The following POTEE variants were observed in gnomAD, a reference collection of about 807,000 sequenced individuals.
POTEE encodes ANKRD26-like family C member 1A.
POTEE carries 21 observed loss-of-function variants against 74.2 expected under a neutral mutation model. The ratio of observed to expected loss-of-function variants is 0.28; its 90% CI spans 0.20 to 0.41. The LOEUF is 0.41. POTEE is among the 10% of genes least tolerant of loss of function. POTEE has a pLI of 1.00. For synonymous variants in POTEE, 211 were observed against 432.8 expected (o/e 0.49, Z 6.36); for missense variants, 525 against 1,158.6 (o/e 0.45, Z 7.94).
chr2:131,211,520 C>CTGTGTGTGTGTGTG (rs369206786), intron 2 of POTEE, among the ~76,000 whole-genome samples: 2,043 of 50,218 alleles, frequency 0.041, 159 homozygotes, highest in African/African-American at 0.11. Context: ...TAGGGGGTGA[C>CTGTGTGTGTGTGTG]TGTGTGTGTG....
intron 17 of POTEE, among the ~76,000 whole-genome samples, chr2:131,262,742 C>T (rs1337792418): frequency 6.6e-6 from 1 of 152,236 alleles, no homozygotes; most frequent in Non-Finnish European, 1.5e-5. Context: ...TGCCTAGATA[C>T]AGATGTGTAC....
intron 9 of POTEE, among the ~76,000 whole-genome samples, chr2:131,231,631 G>C (rs1291889694): frequency 6.6e-6 from 1 of 151,922 alleles, no homozygotes. Flanking sequence ...TTACTTTGTT[G>C]GAACAAGATG....
At chr2:131,259,298 A>G (rs1237645658) in intron 16 of POTEE, among the ~76,000 whole-genome samples, 363 of 137,004 alleles carry the variant, frequency 2.6e-3, no homozygotes, top group African/African-American at 0.01. Flanking sequence ...ATATCTTTGC[A>G]TATTGTGAAT....
At chr2:131,257,060 CCT>C (rs1701597934) in intron 16 of POTEE, among the ~76,000 whole-genome samples, 1 of 130,678 alleles carries the variant, frequency 7.7e-6, no homozygotes, top group East Asian at 2.5e-4. Flanking sequence ...AAAGAAAAAT[CCT>C]CTTTCTCAGC....
chr2:131,235,529 C>G (rs1335546624), intron 9 of POTEE, among the ~76,000 whole-genome samples: 1 of 151,920 alleles, frequency 6.6e-6, no homozygotes, highest in East Asian at 1.9e-4. Flanking sequence ...AGTGTGGTGG[C>G]TCACACCTCT....
intron 17 of POTEE, among the ~76,000 whole-genome samples, chr2:131,262,139 T>C (rs555410689): frequency 5.7e-5 from 7 of 123,478 alleles, no homozygotes; most frequent in African/African-American, 1.5e-4. Context: ...GTTTTGCTAC[T>C]GAAAACAGAT....
intron 6 of POTEE, among the ~76,000 whole-genome samples, chr2:131,225,251 T>C (rs1218274510): frequency 6.6e-6 from 1 of 152,046 alleles, no homozygotes; most frequent in East Asian, 1.9e-4. Context: ...TATTTGAAAA[T>C]GTTTCCTTGA....
chr2:131,222,476 A>G (rs1230954069), intron 4 of POTEE, among the ~76,000 whole-genome samples: 30 of 151,670 alleles, frequency 2.0e-4, no homozygotes, highest in Non-Finnish European at 3.4e-4. Flanking sequence ...TTAACACCTG[A>G]GTAATGAAAT....
intron 8 of POTEE, 49 bp from the exon 9 acceptor site, chr2:131,230,787 T>C: frequency 6.4e-7 from 1 of 1,568,396 alleles, no homozygotes; most frequent in Non-Finnish European, 8.6e-7. Flanking sequence ...AAGTTTTTTT[T>C]ATATCAGTAT....
rs1700601208 is a variant in POTEE at position 131,221,039 on chromosome 2, T to G, written c.521+2116T>G. On this transcript the variant is annotated intron_variant, in intron 4 of 17. Transcript: ENST00000683005. ...AGTTTGTGAGGATGAAGAACAGTGG[T>G]ACTTACGTAGTCATTTAAAGTTTAA... Among the ~76,000 whole-genome samples, 3 of 151,986 alleles carry G rather than the reference T, an allele frequency of 2.0e-5. No homozygotes were observed. In the South Asian group the frequency reaches 6.2e-4, roughly 32 times the overall value.
chr2:131,212,158 C>G (rs879839999), intron 2 of POTEE, among the ~76,000 whole-genome samples: 1 of 151,716 alleles, frequency 6.6e-6, no homozygotes, highest in Non-Finnish European at 1.5e-5. Flanking sequence ...TGGTCCTTTA[C>G]TATGTTTTAG....
chr2:131,221,045 C>G (rs532529889), intron 4 of POTEE, among the ~76,000 whole-genome samples: 4 of 151,924 alleles, frequency 2.6e-5, no homozygotes, highest in East Asian at 3.9e-4. Context: ...GTGGTACTTA[C>G]GTAGTCATTT....
chr2:131,230,721 T>C, intron 8 of POTEE, 115 bp from the exon 9 acceptor site: 2 of 1,116,438 alleles, frequency 1.8e-6, no homozygotes, highest in South Asian at 1.5e-5. Flanking sequence ...GATAATACTA[T>C]TAAGTTCTGT....
At chr2:131,229,535 A>G (rs1207159454) in intron 8 of POTEE, 2 of 152,228 alleles carry the variant, frequency 1.3e-5, no homozygotes, top group Non-Finnish European at 2.9e-5. Flanking sequence ...AATCTCAAGT[A>G]GGTTAGTTGG....
intron 6 of POTEE, among the ~76,000 whole-genome samples, 192 bp downstream of exon 6, chr2:131,224,235 T>G (rs1700716151): frequency 2.0e-5 from 3 of 151,882 alleles, no homozygotes; most frequent in Admixed American, 2.0e-4. Context: ...GGTACAGTTT[T>G]TTTTTTTTAA....
At chr2:131,260,852 T>A (rs1229505110) in intron 16 of POTEE, among the ~76,000 whole-genome samples, 1 of 89,848 alleles carries the variant, frequency 1.1e-5, no homozygotes, top group Non-Finnish European at 2.3e-5. Flanking sequence ...GTTTTATTCT[T>A]AATATGCATG....
In POTEE at chr2:131,265,002, A is replaced by G; in HGVS notation, c.*319A>G. ...GCTAAAAGCCATCCCACTTCTCTCT[A>G]AGGAGAATGGCCCAGTCCTCTCCCT... On this transcript the variant is annotated 3_prime_UTR_variant, in exon 18 of 18. Transcript: ENST00000683005. The G allele has an allele frequency of 3.8e-6, 2 of 523,306 alleles. No homozygotes were observed. The highest frequency in any genetic ancestry group is 6.8e-6 in the Non-Finnish European group (2 of 294,422). 32.4% of individuals were successfully genotyped at this position (523,306 alleles called of 1,614,324 possible).
chr2:131,222,831 G>A (rs1700664874), intron 4 of POTEE, among the ~76,000 whole-genome samples: 1 of 151,496 alleles, frequency 6.6e-6, no homozygotes, highest in Non-Finnish European at 1.5e-5. Context: ...TTATTCCATA[G>A]TTCTTTTAAG....
In POTEE at chr2:131,218,286, G is replaced by C. The variant is rs1700497024; in HGVS notation, c.-93-24G>C. On this transcript the variant is annotated intron_variant, in intron 3 of 17. Transcript: ENST00000683005. The stretch of plus-strand genomic sequence containing the variant: ...TGCTGGGGTTGGCAGGTTTTGGCTG[G>C]GATTGACATTTCTCTTCAAACAGAT... 8 of 1,570,432 alleles carry C rather than the reference G, an allele frequency of 5.1e-6. No homozygotes were observed. In the South Asian group the frequency reaches 8.5e-5, roughly 17 times the overall value.
Sources: gnomAD v4.1 joint callset for allele counts (sites outside exome capture counted in the v4.1 genomes callset) on GRCh38, gnomAD v4.1.1 for gene constraint, MANE v1.5 for transcripts, NCBI Gene and HGNC (gene_info 2026-07-23, HGNC 2026-07-21) for gene names.